ADCY2: variants seen among roughly 807,000 people sequenced by gnomAD.
ADCY2 encodes adenylate cyclase type 2.
In ADCY2, 31 loss-of-function variants were observed where a neutral mutation model predicts 125.2. The ratio of observed to expected loss-of-function variants is 0.25; its 90% CI spans 0.19 to 0.33. The LOEUF is 0.33. ADCY2 is among the 10% of genes least tolerant of loss of function. The pLI is 1.00. For missense variants in ADCY2, 904 were observed against 1,418.2 expected (o/e 0.64, Z 5.82); for synonymous variants, 512 against 548.4 (o/e 0.93, Z 0.93).
chr5:7,400,807 T>A (rs1162777349), intron 1 of ADCY2, among the ~76,000 whole-genome samples: 1 of 152,218 alleles, frequency 6.6e-6, no homozygotes, highest in Non-Finnish European at 1.5e-5. Flanking sequence ...CCAGTAATTC[T>A]CTAAGTCGTT....
At chr5:7,547,130 C>G (rs542043759) in intron 3 of ADCY2, among the ~76,000 whole-genome samples, 32 of 152,288 alleles carry the variant, frequency 2.1e-4, no homozygotes, top group African/African-American at 7.5e-4. Context: ...GGATGTTCCT[C>G]AAGGGAAGGC....
chr5:7,735,092 A>G (rs1021994756), intron 14 of ADCY2, among the ~76,000 whole-genome samples: 1 of 152,182 alleles, frequency 6.6e-6, no homozygotes. Context: ...GGGAGACAGA[A>G]GCATTAAGCC....
intron 14 of ADCY2, among the ~76,000 whole-genome samples, chr5:7,738,913 G>T (rs1444675800): frequency 6.6e-6 from 1 of 151,662 alleles, no homozygotes; most frequent in South Asian, 2.1e-4. Context: ...GACCATAAAA[G>T]CATCTTATGC....
At chr5:7,598,886 C>T (rs571284015) in intron 3 of ADCY2, among the ~76,000 whole-genome samples, 3 of 152,332 alleles carry the variant, frequency 2.0e-5, no homozygotes, top group Admixed American at 1.3e-4. Flanking sequence ...GCTCTCCCCA[C>T]CCTCTGTTGG....
At chr5:7,729,345 C>T (rs984441795) in intron 14 of ADCY2, among the ~76,000 whole-genome samples, 8 of 152,096 alleles carry the variant, frequency 5.3e-5, no homozygotes, top group Non-Finnish European at 1.0e-4. Context: ...CAATTTTCCA[C>T]CCTCTAGATT....
intron 2 of ADCY2, among the ~76,000 whole-genome samples, chr5:7,450,006 T>C (rs1199561798): frequency 6.6e-6 from 1 of 152,202 alleles, no homozygotes; most frequent in East Asian, 1.9e-4. Flanking sequence ...ACTGACCAGC[T>C]GTTCTCCATC....
intron 16 of ADCY2, among the ~76,000 whole-genome samples, chr5:7,766,296 C>T (rs1041002832): frequency 6.6e-6 from 1 of 152,062 alleles, no homozygotes; most frequent in African/African-American, 2.4e-5. Context: ...GCCAAGATGG[C>T]AAAGATACTG....
intron 2 of ADCY2, among the ~76,000 whole-genome samples, chr5:7,500,933 T>C (rs1004459513): frequency 1.3e-5 from 2 of 151,976 alleles, no homozygotes; most frequent in African/African-American, 2.4e-5. Flanking sequence ...TCTTTGAAAA[T>C]GATCAACACA....
chr5:7,594,393 G>A (rs956578756), intron 3 of ADCY2, among the ~76,000 whole-genome samples: 1 of 152,206 alleles, frequency 6.6e-6, no homozygotes, highest in Non-Finnish European at 1.5e-5. Context: ...GGGATGTTGG[G>A]CAGATGTGTA....
chr5:7,741,131 T>C (rs1742393937), intron 14 of ADCY2, among the ~76,000 whole-genome samples: 1 of 152,024 alleles, frequency 6.6e-6, no homozygotes, highest in African/African-American at 2.4e-5. Flanking sequence ...ATATTTTACA[T>C]TTGAAAATCT....
At chr5:7,655,698 G>A (rs1396991069) in intron 4 of ADCY2, among the ~76,000 whole-genome samples, 2 of 152,206 alleles carry the variant, frequency 1.3e-5, no homozygotes, top group African/African-American at 4.8e-5. Context: ...TGGGCATGCC[G>A]TGGCCCAGTC....
Position 7,603,784 on chromosome 5 carries a change from C to CTTTTTTTTTTTTTTTTTTTTTTTTTTT in ADCY2, c.571-22358_571-22357insTTTTTTTTTTTTTTTTTTTTTTTTTTT. ...AAAATTCTGGGGTAATGCTCTCTTT[C>CTTTTTTTTTTTTTTTTTTTTTTTTTTT]TTTTTTTTTTTTTTTTTTTTTTTTT... On this transcript the variant is annotated intron_variant, in intron 3 of 24. Transcript: ENST00000338316. Among the ~76,000 whole-genome samples the CTTTTTTTTTTTTTTTTTTTTTTTTTTT allele has an allele frequency of 4.3e-3, 273 of 62,832 alleles. 3 individuals are homozygous for CTTTTTTTTTTTTTTTTTTTTTTTTTTT. Among genetic ancestry groups the CTTTTTTTTTTTTTTTTTTTTTTTTTTT allele is most frequent in the African/African-American group, 5.5e-3 (81 of 14,624 alleles). 41.2% of individuals were successfully genotyped at this position (62,832 alleles called of 152,430 possible).
intron 1 of ADCY2, among the ~76,000 whole-genome samples, chr5:7,401,257 C>T (rs1739253490): frequency 6.6e-6 from 1 of 152,188 alleles, no homozygotes; most frequent in Non-Finnish European, 1.5e-5. Flanking sequence ...TGAGGGAATA[C>T]TGTAGTCACA....
chr5:7,651,111 A>C (rs1739071240), intron 4 of ADCY2, among the ~76,000 whole-genome samples: 1 of 152,180 alleles, frequency 6.6e-6, no homozygotes, highest in Non-Finnish European at 1.5e-5. Flanking sequence ...TTTGAAACCC[A>C]GCATCAAAGC....
Position 7,772,932 on chromosome 5 carries a change from T to C in ADCY2, c.2215T>C (p.Tyr739His). ...TGTCTGGTGTCCTTCCCTGTTTCAG[T>C]ACTTTATCTACAGCTGCATTCTGGG... ...LRAQNLFFLP[Y>H]FIYSCILGLI... is the part of the protein sequence containing the mutation. Residue 739 changes from tyrosine to histidine, a missense_variant and splice_region_variant, in exon 18 of 25, where the codon TAC becomes CAC. Tyr to His is a moderately conservative substitution (Grantham distance 83, BLOSUM62 2). Around this residue, in one of 7 missense-constraint regions of ADCY2, gnomAD observed 221 missense variants for 246.2 expected, o/e 0.90. Coordinates refer to ENST00000338316, the MANE Select transcript of ADCY2 (RefSeq NM_020546.3). 1 of 1,613,920 alleles carries C rather than the reference T, an allele frequency of 6.2e-7. No individual in the cohort carries two copies. Among genetic ancestry groups the C allele is most frequent in the Non-Finnish European group, 8.5e-7 (1 of 1,179,860 alleles).
At chr5:7,495,919 T>C (rs1197377968) in intron 2 of ADCY2, among the ~76,000 whole-genome samples, 1 of 152,190 alleles carries the variant, frequency 6.6e-6, no homozygotes, top group Non-Finnish European at 1.5e-5. Flanking sequence ...TAAAAATAAT[T>C]TTCTTTCACG....
chr5:7,818,692 T>C (rs372855258), intron 23 of ADCY2, among the ~76,000 whole-genome samples: 2 of 152,322 alleles, frequency 1.3e-5, no homozygotes, highest in South Asian at 2.1e-4. Flanking sequence ...TTCTCAGTTC[T>C]GTGCATAGTA....
At chr5:7,694,039 AT>A (rs1383731786) in intron 5 of ADCY2, among the ~76,000 whole-genome samples, 2 of 152,204 alleles carry the variant, frequency 1.3e-5, no homozygotes, top group Non-Finnish European at 2.9e-5. Context: ...TTTCTAGGGG[AT>A]CATCTGAACA....
At chr5:7,488,270 C>T (rs1324763712) in intron 2 of ADCY2, among the ~76,000 whole-genome samples, 1 of 152,168 alleles carries the variant, frequency 6.6e-6, no homozygotes, top group Non-Finnish European at 1.5e-5. Context: ...GTAAGACACC[C>T]GTTTGCTCTT....
Sources: allele counts gnomAD v4.1 joint callset (sites outside exome capture counted in the v4.1 genomes callset), GRCh38; gene constraint gnomAD v4.1.1; regional missense constraint gnomAD v4.1.1; transcripts MANE v1.5; gene names NCBI Gene and HGNC (gene_info 2026-07-23, HGNC 2026-07-21).